DDX55: variants seen among roughly 807,000 people sequenced by gnomAD.
DDX55 encodes the protein ATP-dependent RNA helicase DDX55.
A neutral mutation model predicts 69.2 loss-of-function variants in DDX55; 56 were observed. The observed-to-expected ratio is 0.81, with a 90% CI of 0.65 to 1.01. The LOEUF is 1.01. DDX55 is among the 50% of genes least tolerant of loss of function. The probability of loss-of-function intolerance (pLI) is 0.00; values close to 1 mark genes in which losing one functional copy is unlikely to be tolerated. For missense variants in DDX55, 720 were observed against 745.1 expected, an observed-to-expected ratio of 0.97 and a Z score of 0.39; for synonymous variants, 268 against 273.1, an observed-to-expected ratio of 0.98 and a Z score of 0.18.
chr12:123,606,022 C>G, intron 2 of DDX55, 41 bp downstream of exon 2: 1 of 1,611,928 alleles, frequency 6.2e-7, no homozygotes, highest in Non-Finnish European at 8.5e-7. Context: ...TCGTGTTCTC[C>G]CTCAGATGAA....
At position 123,617,840 on chromosome 12, in the gene DDX55, T is replaced by A; in HGVS notation, c.1132T>A (p.Ser378Thr). Residue 378 changes from serine to threonine, a missense_variant, in exon 11 of 14, where the codon TCA becomes ACA. By Grantham distance (58) the Ser-to-Thr change is moderately conservative (BLOSUM62 1). Transcript: ENST00000238146. ...GGTGTTCCTCCTGCCCATGGAAGAG[T>A]CATACATCAATTTCCTTGCAATTAA... ...ALVFLLPMEE[S>T]YINFLAINQK... The A allele has an allele frequency of 1.2e-6, 2 of 1,613,990 alleles. No homozygotes were observed. The highest frequency in any genetic ancestry group is 1.7e-4 in the Middle Eastern group (1 of 6,056).
At chr12:123,602,299 C>A in intron 1 of DDX55, 43 bp downstream of exon 1, 3 of 1,490,092 alleles carry the variant, frequency 2.0e-6, no homozygotes, top group South Asian at 1.2e-5. Context: ...GGGAGAGGGG[C>A]AGGCACCCGC....
chr12:123,616,972 C>T (rs1954719624), intron 10 of DDX55: 4 of 267,208 alleles, frequency 1.5e-5, no homozygotes, highest in South Asian at 1.2e-4. Flanking sequence ...GGCAACAGGA[C>T]AAAACCCTGT....
intron 7 of DDX55, 39 bp downstream of exon 7, chr12:123,610,167 C>A (rs774878824): frequency 1.1e-5 from 17 of 1,586,688 alleles, no homozygotes; most frequent in Non-Finnish European, 1.1e-5. Context: ...GCGATAATGA[C>A]CAGTGCTCAT....
chr12:123,619,880 A>T (rs1376005234), intron 13 of DDX55, 84 bp from the exon 14 acceptor site: 50 of 1,532,898 alleles, frequency 3.3e-5, no homozygotes, highest in Non-Finnish European at 3.7e-5. Context: ...CTGAGAGCTT[A>T]TAGTTCTTGA....
Position 123,607,424 on chromosome 12 carries a change from G to C in DDX55, c.247-8G>C, listed in dbSNP as rs769430853. 2.5e-6 allele frequency: 4 copies of C among 1,613,926 alleles called. 1 individual carries two copies. The South Asian group carries it at 4.4e-5, about 18-fold the overall frequency. ...TGCTGACTGTGTCCCTTCCTTCCAT[G>C]TGGGTAGGTTGGAGCCATAATCATC... On this transcript the variant is annotated splice_region_variant and splice_polypyrimidine_tract_variant and intron_variant, in intron 3 of 13. Transcript: ENST00000238146.
At chr12:123,607,890 G>A (rs77699179) in intron 5 of DDX55, 53,166 of 590,540 alleles carry the variant, frequency 0.09, 2,792 homozygotes, top group Non-Finnish European at 0.11. Flanking sequence ...AGAGAACGAC[G>A]TGAAGATAAA....
intron 6 of DDX55, 105 bp downstream of exon 6, chr12:123,608,934 A>G: frequency 9.3e-7 from 1 of 1,070,450 alleles, no homozygotes; most frequent in South Asian, 2.8e-5. Context: ...TTTATTTTTT[A>G]TTTTCATTTT....
In DDX55 at chr12:123,607,660, A is replaced by G. The variant is rs1343761835; in HGVS notation, c.399A>G (p.Gln133=). Residue 133 remains glutamine (Q), a splice_region_variant and synonymous_variant, in exon 5 of 14, where the codon CAA becomes CAG. Transcript: ENST00000238146. The stretch of plus-strand genomic sequence containing the variant: ...AAGATGTTGAGAGGTTTAAGCAACA[A>G]GGGTGAGTTTGCTCGTGTCTGCTTG... ...PGEDVERFKQ[Q]GGNIIVATPG... 1 of 1,614,166 alleles carries G rather than the reference A, an allele frequency of 6.2e-7. No homozygotes were observed. The highest frequency in any genetic ancestry group is 1.1e-5 in the South Asian group (1 of 91,078).
chr12:123,613,389 A>G (rs1474497113), intron 8 of DDX55, 137 bp downstream of exon 8: 1 of 838,466 alleles, frequency 1.2e-6, no homozygotes, highest in Non-Finnish European at 1.8e-6. Context: ...TGAAAACCCA[A>G]CTTTTGTTGT....
chr12:123,604,330 A>C (rs1050325611), intron 1 of DDX55, among the ~76,000 whole-genome samples: 1 of 152,106 alleles, frequency 6.6e-6, no homozygotes, highest in Admixed American at 6.5e-5. Flanking sequence ...ATCACTTGAG[A>C]TCAGGAGTTC....
At chr12:123,612,920 A>G (rs1175772990) in intron 7 of DDX55, among the ~76,000 whole-genome samples, 1 of 152,086 alleles carries the variant, frequency 6.6e-6, no homozygotes, top group African/African-American at 2.4e-5. Flanking sequence ...GGAGTTGGGA[A>G]CTGTTGCCTG....
intron 11 of DDX55, chr12:123,618,429 A>G (rs1435966423): frequency 4.3e-6 from 5 of 1,172,988 alleles, no homozygotes; most frequent in South Asian, 1.2e-5. Flanking sequence ...ATAGAGACCC[A>G]GTGTTGCCAT....
rs1218234827 is a variant in DDX55 at position 123,602,129 on chromosome 12, A to G, written c.-20A>G. On this transcript the variant is annotated 5_prime_UTR_variant, in exon 1 of 14. Coordinates refer to ENST00000238146, the MANE Select transcript of DDX55 (RefSeq NM_020936.3). ...AGGCGCGTTCGAGCAGCGGCGACCGACGCGGCGAAGGAGCGCGCCATGGAG... is the reference window on the plus strand; with the variant it reads ...AGGCGCGTTCGAGCAGCGGCGACCGGCGCGGCGAAGGAGCGCGCCATGGAG... 4 of 1,538,164 alleles carry G rather than the reference A, an allele frequency of 2.6e-6. No homozygotes were observed. The Admixed American group carries it at 7.9e-5, about 30-fold the overall frequency.
chr12:123,617,726 TG>T, intron 10 of DDX55, 31 bp from the exon 11 acceptor site: 1 of 1,581,786 alleles, frequency 6.3e-7, no homozygotes, highest in East Asian at 2.3e-5. Context: ...TGTCATCACC[TG>T]GGTACCCATT....
Position 123,602,242 on chromosome 12 carries a change from A to G in DDX55, c.94A>G (p.Met32Val), listed in dbSNP as rs1953606626. Residue 32 changes from methionine (M) to valine (V), a missense_variant, in exon 1 of 14, where the codon ATG becomes GTG. Physicochemically the swap from Met to Val is conservative, Grantham distance 21 (BLOSUM62 1). Transcript: ENST00000238146. ...GALRELGFPY[M>V]TPVQSATIPL... ...GCTGCGGGAGCTGGGCTTCCCGTAC[A>G]TGACGCCGGTGCAGGTATCGGTTCC... 4 of 1,566,424 alleles carry G rather than the reference A, an allele frequency of 2.6e-6. No individual in the cohort carries two copies. The highest frequency in any genetic ancestry group is 2.3e-5 in the East Asian group (1 of 42,574).
At position 123,602,189 on chromosome 12, in the gene DDX55, T is replaced by C; in HGVS notation, c.41T>C (p.Val14Ala). ...VTEGSWESLP[V>A]PLHPQVLGAL... is the part of the protein sequence containing the mutation. The stretch of plus-strand genomic sequence containing the variant: ...GAGGGCTCCTGGGAGTCGCTGCCTG[T>C]GCCGCTGCACCCGCAGGTGCTGGGC... Residue 14 changes from valine to alanine, a missense_variant, in exon 1 of 14, where the codon GTG becomes GCG. Val to Ala is a moderately conservative substitution (Grantham distance 64). Coordinates refer to ENST00000238146, the MANE Select transcript of DDX55 (RefSeq NM_020936.3). 1.9e-6 allele frequency: 3 copies of C among 1,570,730 alleles called. No individual in the cohort carries two copies. Among genetic ancestry groups the C allele is most frequent in the East Asian group, 2.3e-5 (1 of 42,676 alleles).
chr12:123,605,776 T>G, intron 1 of DDX55, 155 bp from the exon 2 acceptor site: 1 of 993,668 alleles, frequency 1.0e-6, no homozygotes, highest in Non-Finnish European at 1.6e-6. Flanking sequence ...TTGCCACGTT[T>G]GATTCAACTT....
At chr12:123,616,417 A>G (rs997598035) in intron 9 of DDX55, 94 bp from the exon 10 acceptor site, 27 of 1,087,410 alleles carry the variant, frequency 2.5e-5, no homozygotes, top group Non-Finnish European at 3.7e-5. Flanking sequence ...AAGCTCCAGC[A>G]CCTGTGTGTC....
Sources: gnomAD v4.1 joint callset for allele counts (sites outside exome capture counted in the v4.1 genomes callset) on GRCh38, gnomAD v4.1.1 for gene constraint, MANE v1.5 for transcripts, NCBI Gene and HGNC (gene_info 2026-07-23, HGNC 2026-07-21) for gene names.